KHDRBS2: variants seen among roughly 807,000 people sequenced by gnomAD.
The protein encoded by KHDRBS2 is KH domain-containing, RNA-binding, signal transduction-associated protein 2.
In KHDRBS2, 26 loss-of-function variants were observed where a neutral mutation model predicts 44.3. That is an observed-to-expected ratio of 0.59 (90% CI 0.43 to 0.81). KHDRBS2 has a LOEUF of 0.81. Ranked by LOEUF, KHDRBS2 falls within the 40% of genes least tolerant of loss-of-function variation. The pLI, the probability that KHDRBS2 is intolerant of heterozygous loss-of-function variation, is 0.00. For synonymous variants in KHDRBS2, 194 were observed against 151.1 expected (o/e 1.28, Z -2.08); for missense variants, 476 against 433.1 (o/e 1.10, Z -0.88).
chr6:61,832,366 C>G (rs1251394666), intron 6 of KHDRBS2, among the ~76,000 whole-genome samples: 1 of 152,120 alleles, frequency 6.6e-6, no homozygotes, highest in African/African-American at 2.4e-5. Context: ...CCTATATACC[C>G]TCTTATCTAT....
intron 2 of KHDRBS2, among the ~76,000 whole-genome samples, chr6:62,059,210 T>TTG (rs1791072962): frequency 8.8e-6 from 1 of 114,140 alleles, no homozygotes; most frequent in Non-Finnish European, 1.7e-5. Flanking sequence ...TTTTTTTTTT[T>TTG]TTTTTTTTTT....
intron 2 of KHDRBS2, among the ~76,000 whole-genome samples, chr6:62,118,114 A>T (rs1187481771): frequency 6.6e-6 from 1 of 152,158 alleles, no homozygotes; most frequent in South Asian, 2.1e-4. Flanking sequence ...ATAGGTGTCT[A>T]GTTTCTTTCT....
At chr6:61,821,466 G>A in intron 6 of KHDRBS2, among the ~76,000 whole-genome samples, 1 of 151,936 alleles carries the variant, frequency 6.6e-6, no homozygotes, top group East Asian at 1.9e-4. Context: ...GGATCTATGT[G>A]GAAACATTTT....
At chr6:62,056,723 T>C (rs564773277) in intron 2 of KHDRBS2, among the ~76,000 whole-genome samples, 2 of 152,072 alleles carry the variant, frequency 1.3e-5, no homozygotes, top group African/African-American at 4.8e-5. Flanking sequence ...TTGATGACAG[T>C]AAAACATCAA....
At chr6:61,798,398 C>A (rs1195872151) in intron 6 of KHDRBS2, among the ~76,000 whole-genome samples, 1 of 152,062 alleles carries the variant, frequency 6.6e-6, no homozygotes, top group Non-Finnish European at 1.5e-5. Context: ...GAATATGAGA[C>A]CACATTCTTT....
chr6:61,964,532 T>A (rs1258768110), intron 4 of KHDRBS2, among the ~76,000 whole-genome samples: 1 of 152,110 alleles, frequency 6.6e-6, no homozygotes, highest in East Asian at 1.9e-4. Flanking sequence ...ATCGAATTTT[T>A]AATTTATGAA....
rs1223042685 is a variant in KHDRBS2 at position 61,848,552 on chromosome 6, C to CATATATATATATGTATATATATATACAT, written c.810+46082_810+46083insATGTATATATATATACATATATATATAT. Among the ~76,000 whole-genome samples, 45 of 37,230 alleles carry CATATATATATATGTATATATATATACAT rather than the reference C, an allele frequency of 1.2e-3. 4 individuals carry two copies. Among genetic ancestry groups the CATATATATATATGTATATATATATACAT allele is most frequent in the African/African-American group, 4.6e-3 (41 of 9,008 alleles). 24.4% of individuals were successfully genotyped at this position (37,230 alleles called of 152,430 possible). Reference sequence around the variant, plus strand: ...ATATACATATATATGTATATATATACATATATATATGTATATATATATACA... The same window carrying CATATATATATATGTATATATATATACAT: ...ATATACATATATATGTATATATATACATATATATATATGTATATATATATACATATATATATATGTATATATATATACA... On this transcript the variant is annotated intron_variant, in intron 6 of 8. Transcript: ENST00000281156.
intron 1 of KHDRBS2, among the ~76,000 whole-genome samples, chr6:62,261,829 T>C (rs1294043872): frequency 2.6e-5 from 4 of 151,816 alleles, no homozygotes; most frequent in Non-Finnish European, 1.5e-5. Context: ...AAACAGCTCA[T>C]AAATTGTATA....
chr6:61,545,460 G>A, the KHDRBS2 span, among the ~76,000 whole-genome samples: 3 of 151,108 alleles, frequency 2.0e-5, no homozygotes, highest in Non-Finnish European at 4.4e-5. Context: ...AAGGTGGAGG[G>A]GATTATGTTA....
the KHDRBS2 span, among the ~76,000 whole-genome samples, chr6:61,553,421 G>T: frequency 3.3e-4 from 50 of 151,610 alleles, no homozygotes; most frequent in African/African-American, 1.2e-3. Context: ...CAAGTAGTCT[G>T]TCTATCCTAT....
At chr6:62,223,893 A>T (rs563989388) in intron 1 of KHDRBS2, among the ~76,000 whole-genome samples, 1 of 152,254 alleles carries the variant, frequency 6.6e-6, no homozygotes, top group South Asian at 2.1e-4. Flanking sequence ...AAGCTATTCA[A>T]CAAGTCTCTA....
chr6:62,008,566 A>G (rs1260091853), intron 3 of KHDRBS2, among the ~76,000 whole-genome samples: 2 of 152,174 alleles, frequency 1.3e-5, no homozygotes, highest in Non-Finnish European at 2.9e-5. Flanking sequence ...TTGGGGATGG[A>G]ATTATCAAAC....
chr6:61,717,149 A>AT (rs1771574919), intron 7 of KHDRBS2, among the ~76,000 whole-genome samples: 1 of 152,024 alleles, frequency 6.6e-6, no homozygotes. Context: ...TTAATGGTAT[A>AT]TTTTTAAATA....
chr6:62,109,576 G>C (rs1255281478), intron 2 of KHDRBS2, among the ~76,000 whole-genome samples: 1 of 151,916 alleles, frequency 6.6e-6, no homozygotes, highest in Non-Finnish European at 1.5e-5. Context: ...CAATAGATAA[G>C]TTTGGCAAGG....
intron 4 of KHDRBS2, among the ~76,000 whole-genome samples, chr6:61,948,335 G>A (rs550495251): frequency 7.1e-4 from 108 of 152,046 alleles, no homozygotes; most frequent in African/African-American, 2.4e-3. Flanking sequence ...GCATTTTTAA[G>A]CTATAATAAT....
intron 4 of KHDRBS2, among the ~76,000 whole-genome samples, chr6:61,963,719 C>A (rs1769272605): frequency 6.6e-6 from 1 of 152,012 alleles, no homozygotes; most frequent in South Asian, 2.1e-4. Context: ...CTAATTGGGA[C>A]ACATAGCCGG....
the KHDRBS2 span, among the ~76,000 whole-genome samples, chr6:61,558,851 T>A: frequency 6.6e-6 from 1 of 152,190 alleles, no homozygotes; most frequent in African/African-American, 2.4e-5. Flanking sequence ...GGTCTATCAT[T>A]GACAATGAGT....
At chr6:61,826,136 A>T (rs1790820919) in intron 6 of KHDRBS2, among the ~76,000 whole-genome samples, 1 of 152,090 alleles carries the variant, frequency 6.6e-6, no homozygotes, top group South Asian at 2.1e-4. Context: ...CCTGGTCTTC[A>T]TGTAAAGAAC....
chr6:62,047,862 A>G lies in KHDRBS2; in HGVS notation c.336+16T>C, dbSNP rs1432657595. 2.0e-6 allele frequency: 3 copies of G among 1,514,852 alleles called. No homozygotes were observed. Among genetic ancestry groups the G allele is most frequent in the Middle Eastern group, 1.7e-4 (1 of 5,882 alleles). 93.8% of individuals were successfully genotyped at this position (1,514,852 alleles called of 1,614,324 possible). A position where few individuals can be genotyped will look rare whatever the true frequency, so the allele number is the denominator to read the frequency against. On this transcript the variant is annotated intron_variant, in intron 3 of 8. Transcript: ENST00000281156. ...ACCTCCTGAATGTGGTAAATATTAG[A>G]TTCAAAGTTCAGTACCTTAGCTTTA...
Sources: allele counts gnomAD v4.1 joint callset (sites outside exome capture counted in the v4.1 genomes callset), GRCh38; gene constraint gnomAD v4.1.1; transcripts MANE v1.5; gene names NCBI Gene and HGNC (gene_info 2026-07-23, HGNC 2026-07-21).